Variants in C9 observed in about 807,000 individuals in gnomAD.
C9 encodes the protein complement C9, also known as complement component C9.
In C9, 63 loss-of-function variants were observed where a neutral mutation model predicts 65.4. That is an observed-to-expected ratio of 0.96 (90% CI 0.79 to 1.19). C9 has a LOEUF of 1.19. C9 is among the 50% of genes most tolerant of loss of function. C9 has a pLI of 0.00. For missense variants in C9, 744 were observed against 670.1 expected (o/e 1.11, Z -1.22); for synonymous variants, 229 against 227.9 (o/e 1.00, Z -0.04).
At chr5:39,351,108 G>T (rs922017390) in intron 1 of C9, among the ~76,000 whole-genome samples, 33 of 152,160 alleles carry the variant, frequency 2.2e-4, no homozygotes, top group African/African-American at 8.0e-4. Context: ...CCAAGGCTTG[G>T]GTTTGTACCC....
intron 7 of C9, 35 bp from the exon 8 acceptor site, chr5:39,308,393 A>T: frequency 6.7e-7 from 1 of 1,498,652 alleles, no homozygotes; most frequent in Non-Finnish European, 9.3e-7. Flanking sequence ...TTATTAGATA[A>T]TGTCTACCAA....
chr5:39,311,911 G>A (rs922267764), intron 6 of C9, among the ~76,000 whole-genome samples: 4 of 152,106 alleles, frequency 2.6e-5, no homozygotes, highest in Admixed American at 2.6e-4. Flanking sequence ...ATATTATACT[G>A]AGTAAAAGAA....
chr5:39,336,138 G>C (rs1041952860), intron 4 of C9, among the ~76,000 whole-genome samples: 4 of 151,992 alleles, frequency 2.6e-5, no homozygotes, highest in African/African-American at 9.7e-5. Context: ...CTGTAGTGAT[G>C]CTGGGTCACA....
At chr5:39,354,936 G>A (rs1754389278) in intron 1 of C9, among the ~76,000 whole-genome samples, 2 of 152,098 alleles carry the variant, frequency 1.3e-5, no homozygotes, top group East Asian at 1.9e-4. Flanking sequence ...AACATCATTG[G>A]TTTCAGGAAT....
intron 1 of C9, among the ~76,000 whole-genome samples, chr5:39,354,786 A>G (rs1754386495): frequency 6.6e-6 from 1 of 152,228 alleles, no homozygotes; most frequent in Non-Finnish European, 1.5e-5. Flanking sequence ...TGCATAGCTA[A>G]TAATAGGAAA....
At chr5:39,346,970 AG>A (rs1660330845) in intron 1 of C9, among the ~76,000 whole-genome samples, 1 of 152,210 alleles carries the variant, frequency 6.6e-6, no homozygotes, top group Non-Finnish European at 1.5e-5. Context: ...AAAATTCAAC[AG>A]CCCTTCATGC....
chr5:39,296,147 T>C (rs1279088809), intron 9 of C9, among the ~76,000 whole-genome samples: 1 of 151,568 alleles, frequency 6.6e-6, no homozygotes, highest in Non-Finnish European at 1.5e-5. Context: ...GGATCTCAAA[T>C]GCACAGGGAA....
At chr5:39,305,107 A>ATCT (rs1379881915) in intron 9 of C9, among the ~76,000 whole-genome samples, 1 of 152,118 alleles carries the variant, frequency 6.6e-6, no homozygotes, top group Non-Finnish European at 1.5e-5. Context: ...CTTATTTAAG[A>ATCT]TCTTCCAACA....
At chr5:39,287,678 A>G (rs1753015563) in intron 10 of C9, among the ~76,000 whole-genome samples, 1 of 152,056 alleles carries the variant, frequency 6.6e-6, no homozygotes, top group African/African-American at 2.4e-5. Flanking sequence ...TTGGAGCAAC[A>G]TGGTTGGAGC....
At chr5:39,331,915 C>T in intron 4 of C9, 101 bp from the exon 5 acceptor site, 2 of 965,638 alleles carry the variant, frequency 2.1e-6, no homozygotes, top group Admixed American at 1.7e-5. Context: ...GTTCATGTCA[C>T]CGTCACCCAA....
chr5:39,320,024 C>T (rs566464785), intron 5 of C9, among the ~76,000 whole-genome samples: 2 of 152,268 alleles, frequency 1.3e-5, no homozygotes, highest in Admixed American at 1.3e-4. Context: ...AAGGGTTATC[C>T]CTGCTGCAGT....
intron 5 of C9, among the ~76,000 whole-genome samples, chr5:39,316,592 G>T (rs907852956): frequency 5.9e-5 from 9 of 152,174 alleles, no homozygotes; most frequent in Admixed American, 5.2e-4. Context: ...GTGAGAACAT[G>T]AGGTGTTTGG....
intron 9 of C9, among the ~76,000 whole-genome samples, chr5:39,292,019 G>C (rs1321164097): frequency 6.6e-6 from 1 of 151,712 alleles, no homozygotes; most frequent in Non-Finnish European, 1.5e-5. Flanking sequence ...TATAAGAAGG[G>C]GTTGAGAGGG....
intron 4 of C9, among the ~76,000 whole-genome samples, chr5:39,336,965 A>G (rs1753980732): frequency 6.6e-6 from 1 of 151,710 alleles, no homozygotes; most frequent in African/African-American, 2.4e-5. Flanking sequence ...GAGTGCTAAC[A>G]TTTGGAGTTG....
chr5:39,362,529 C>A (rs886273794), intron 1 of C9, among the ~76,000 whole-genome samples: 21 of 152,088 alleles, frequency 1.4e-4, no homozygotes, highest in African/African-American at 4.8e-4. Context: ...AACTGTGAGA[C>A]AATACATTTC....
intron 4 of C9, among the ~76,000 whole-genome samples, chr5:39,337,039 C>T (rs1385721512): frequency 1.3e-5 from 2 of 151,596 alleles, no homozygotes; most frequent in Non-Finnish European, 2.9e-5. Flanking sequence ...GGAGTATACT[C>T]TGCTCTTAAA....
intron 10 of C9, among the ~76,000 whole-genome samples, chr5:39,288,106 T>C (rs945017739): frequency 6.6e-6 from 1 of 151,948 alleles, no homozygotes; most frequent in Non-Finnish European, 1.5e-5. Flanking sequence ...ATCATTTATA[T>C]AAAATTTAAA....
chr5:39,313,443 C>T (rs1425886218), intron 6 of C9, among the ~76,000 whole-genome samples: 1 of 151,486 alleles, frequency 6.6e-6, no homozygotes, highest in Non-Finnish European at 1.5e-5. Flanking sequence ...TCATCACTCT[C>T]TTCTTCTTAA....
rs951548405 is a variant in C9 at position 39,316,116 on chromosome 5, A to G, written c.616-87T>C. 22 of 1,146,488 alleles carry G rather than the reference A, an allele frequency of 1.9e-5. No homozygotes were observed. In the African/African-American group the frequency reaches 2.2e-4, roughly 11 times the overall value. 71.0% of individuals were successfully genotyped at this position (1,146,488 alleles called of 1,614,324 possible). ...GAACAGAACCAAAGAGAAGTCAAAC[A>G]ATTCTTTGAAAGGCAGTAGAACAAA... On this transcript the variant is annotated intron_variant, in intron 5 of 10. Transcript: ENST00000263408.
Sources: gnomAD v4.1 joint callset for allele counts (sites outside exome capture counted in the v4.1 genomes callset) on GRCh38, gnomAD v4.1.1 for gene constraint, MANE v1.5 for transcripts, NCBI Gene and HGNC (gene_info 2026-07-23, HGNC 2026-07-21) for gene names.